DSCAM: variants seen among roughly 807,000 people sequenced by gnomAD.
The protein encoded by DSCAM is cell adhesion molecule DSCAM.
DSCAM carries 47 observed loss-of-function variants against 217.7 expected under a neutral mutation model. That is an observed-to-expected ratio of 0.22 (90% CI 0.17 to 0.28). DSCAM has a LOEUF of 0.28. Among genes scored for constraint, DSCAM ranks in the 10% least tolerant of loss-of-function variants. The pLI, the probability that DSCAM is intolerant of heterozygous loss-of-function variation, is 1.00. For missense variants in DSCAM, 2,080 were observed against 2,618.3 expected, an observed-to-expected ratio of 0.79 and a Z score of 4.49; for synonymous variants, 1,056 against 1,015.3, an observed-to-expected ratio of 1.04 and a Z score of -0.76.
intron 15 of DSCAM, among the ~76,000 whole-genome samples, chr21:40,172,432 A>G (rs550778797): frequency 2.6e-5 from 4 of 152,358 alleles, no homozygotes; most frequent in Non-Finnish European, 4.4e-5. Context: ...AAACACAGGG[A>G]TGACAGGCAC....
chr21:40,666,957 G>A (rs749800943), intron 3 of DSCAM, among the ~76,000 whole-genome samples: 9 of 152,178 alleles, frequency 5.9e-5, no homozygotes, highest in Admixed American at 2.0e-4. Flanking sequence ...TTGCAAAAAA[G>A]GCATTGCACA....
intron 20 of DSCAM, among the ~76,000 whole-genome samples, chr21:40,109,817 T>C (rs923416515): frequency 1.3e-5 from 2 of 152,214 alleles, no homozygotes; most frequent in African/African-American, 4.8e-5. Flanking sequence ...GCCTCACTCA[T>C]TGCTAGCACA....
rs535404676 is a variant in DSCAM, at chr21:40,727,908, C to T, written c.44-19137G>A. ...ACCGCAGCCACACTGGCCTCCTTGT[C>T]GTCTCTAGACCACCCCTGCAGGCTC... On this transcript the variant is annotated intron_variant, in intron 1 of 32. Coordinates refer to ENST00000400454, the MANE Select transcript of DSCAM (RefSeq NM_001389.5). Among the ~76,000 whole-genome samples, 3 of 152,260 alleles carry T rather than the reference C, an allele frequency of 2.0e-5. No homozygotes were observed. In the East Asian group the frequency reaches 5.8e-4, roughly 29 times the overall value.
intron 2 of DSCAM, among the ~76,000 whole-genome samples, chr21:40,702,683 G>A (rs560179731): frequency 3.3e-5 from 5 of 151,372 alleles, no homozygotes; most frequent in South Asian, 4.2e-4. Context: ...TTTTTTTACC[G>A]TGTTTCCTTT....
chr21:40,755,166 G>A (rs1569020312), intron 1 of DSCAM, among the ~76,000 whole-genome samples: 1 of 152,158 alleles, frequency 6.6e-6, no homozygotes, highest in Admixed American at 6.5e-5. Context: ...GTTGCCTAGG[G>A]TCCAGTTACG....
intron 3 of DSCAM, among the ~76,000 whole-genome samples, chr21:40,494,438 G>T (rs889813576): frequency 6.6e-6 from 1 of 152,026 alleles, no homozygotes; most frequent in Non-Finnish European, 1.5e-5. Context: ...AATAACAGGA[G>T]AAATTTTGGA....
At chr21:40,756,461 G>A (rs772699824) in intron 1 of DSCAM, among the ~76,000 whole-genome samples, 11 of 152,084 alleles carry the variant, frequency 7.2e-5, no homozygotes, top group Non-Finnish European at 1.2e-4. Context: ...GCATGATCTC[G>A]GTTCATTGCA....
Position 40,285,442 on chromosome 21 carries a change from C to T in DSCAM, c.2183-9172G>A, listed in dbSNP as rs557864176. Among the ~76,000 whole-genome samples, 3 of 152,226 alleles carry T rather than the reference C, an allele frequency of 2.0e-5. No individual in the cohort carries two copies. The East Asian group carries it at 5.8e-4, about 29-fold the overall frequency. Reference sequence around the variant, plus strand: ...AGGGTTGACTGTCCTGGTGGCTCCACCAAGGCTCAGGGTAATTACACTTCC... The same window carrying T: ...AGGGTTGACTGTCCTGGTGGCTCCATCAAGGCTCAGGGTAATTACACTTCC... On this transcript the variant is annotated intron_variant, in intron 10 of 32. Transcript: ENST00000400454.
chr21:40,591,560 T>C (rs1414808152), intron 3 of DSCAM, among the ~76,000 whole-genome samples: 3 of 152,182 alleles, frequency 2.0e-5, no homozygotes, highest in Non-Finnish European at 2.9e-5. Context: ...TGTGAGGGTA[T>C]GTTATATTGT....
intron 3 of DSCAM, among the ~76,000 whole-genome samples, chr21:40,555,741 A>T (rs4818142): frequency 0.58 from 88,037 of 151,992 alleles, 25,696 homozygotes; most frequent in East Asian, 0.67. Flanking sequence ...CAAGTGATCA[A>T]CTTGCCTTAG....
chr21:40,393,543 G>T (rs570714129), intron 3 of DSCAM, among the ~76,000 whole-genome samples: 1 of 151,912 alleles, frequency 6.6e-6, no homozygotes, highest in African/African-American at 2.4e-5. Context: ...ATTTTTTTCT[G>T]ACTACAAGTA....
In DSCAM at chr21:40,299,566, TC is replaced by T. The variant is rs1220418557; in HGVS notation, c.2063-3393del. Among the ~76,000 whole-genome samples, 3 of 152,074 alleles carry T rather than the reference TC, an allele frequency of 2.0e-5. No homozygotes were observed. The East Asian group carries it at 5.8e-4, about 29-fold the overall frequency. On this transcript the variant is annotated intron_variant, in intron 9 of 32. Coordinates refer to ENST00000400454, the MANE Select transcript of DSCAM (RefSeq NM_001389.5). ...GTAGTAATAAGTTTCTAAACAAATTTCTTTGCCTGCCCAGAGCCTAATGTGA... is the reference window on the plus strand; with the variant it reads ...GTAGTAATAAGTTTCTAAACAAATTTTTTGCCTGCCCAGAGCCTAATGTGA...
At chr21:40,738,286 G>T (rs528645093) in intron 1 of DSCAM, among the ~76,000 whole-genome samples, 1 of 152,354 alleles carries the variant, frequency 6.6e-6, no homozygotes, top group South Asian at 2.1e-4. Context: ...GCCAATGCAT[G>T]AAATTCTAAC....
At chr21:40,370,160 T>C (rs2074879933) in intron 3 of DSCAM, among the ~76,000 whole-genome samples, 1 of 151,902 alleles carries the variant, frequency 6.6e-6, no homozygotes, top group Admixed American at 6.6e-5. Context: ...AATTGGCTGA[T>C]AAAACAAGTT....
At chr21:40,430,072 T>G (rs1364186200) in intron 3 of DSCAM, among the ~76,000 whole-genome samples, 1 of 152,192 alleles carries the variant, frequency 6.6e-6, no homozygotes, top group Non-Finnish European at 1.5e-5. Context: ...CTCACACACA[T>G]AGAGGGGGCT....
chr21:40,101,881 A>G (rs1472039748), intron 20 of DSCAM, among the ~76,000 whole-genome samples: 2 of 152,148 alleles, frequency 1.3e-5, no homozygotes, highest in Non-Finnish European at 1.5e-5. Context: ...TGAGCCAGAC[A>G]TAGAAGCTTG....
intron 1 of DSCAM, among the ~76,000 whole-genome samples, chr21:40,762,169 G>A (rs1035196513): frequency 6.6e-6 from 1 of 152,054 alleles, no homozygotes. Context: ...AATGAATCCA[G>A]GAGCTGGTTT....
At chr21:40,425,870 A>G (rs1474377403) in intron 3 of DSCAM, among the ~76,000 whole-genome samples, 1 of 152,142 alleles carries the variant, frequency 6.6e-6, no homozygotes, top group Admixed American at 6.6e-5. Context: ...CATGTTAACT[A>G]TATATGTTAT....
chr21:40,728,530 T>C (rs2090980970), intron 1 of DSCAM, among the ~76,000 whole-genome samples: 1 of 152,134 alleles, frequency 6.6e-6, no homozygotes, highest in Non-Finnish European at 1.5e-5. Context: ...GCAAATCTCC[T>C]GCCTCAGCCT....
Sources: allele counts gnomAD v4.1 joint callset (sites outside exome capture counted in the v4.1 genomes callset), GRCh38; gene constraint gnomAD v4.1.1; transcripts MANE v1.5; gene names NCBI Gene and HGNC (gene_info 2026-07-23, HGNC 2026-07-21).